GMDS: variants seen among roughly 807,000 people sequenced by gnomAD.
GMDS encodes the protein GDP-mannose 4,6 dehydratase.
A neutral mutation model predicts 49.9 loss-of-function variants in GMDS; 20 were observed. That is an observed-to-expected ratio of 0.40 (90% CI 0.28 to 0.58). The LOEUF (loss-of-function observed/expected upper bound fraction) is 0.58. Among genes scored for constraint, GMDS ranks in the 20% least tolerant of loss-of-function variants. GMDS has a pLI of 0.42. For synonymous variants in GMDS, 177 were observed against 178.6 expected (o/e 0.99, Z 0.07); for missense variants, 362 against 481.4 (o/e 0.75, Z 2.32).
rs545593703 is a variant in GMDS at position 1,711,316 on chromosome 6, T to C, written c.987+15100A>G. On this transcript the variant is annotated intron_variant, in intron 9 of 10. Coordinates refer to ENST00000380815, the MANE Select transcript of GMDS (RefSeq NM_001500.4). The stretch of plus-strand genomic sequence containing the variant: ...TTCCAGGGTCCACCGCTCAAGTGGT[T>C]TGAGGATGAATCCTGGAAGACTGTA... Among the ~76,000 whole-genome samples the C allele has an allele frequency of 8.5e-5, 13 of 152,334 alleles. 1 individual carries two copies. Among genetic ancestry groups the C allele is most frequent in the African/African-American group, 3.1e-4 (13 of 41,576 alleles).
intron 1 of GMDS, among the ~76,000 whole-genome samples, chr6:2,129,269 A>C (rs1165474470): frequency 2.0e-5 from 3 of 152,182 alleles, no homozygotes; most frequent in East Asian, 1.9e-4. Flanking sequence ...CACATCCCCC[A>C]CACACACCCC....
rs531569992 is a variant in GMDS at position 1,833,892 on chromosome 6, T to C, written c.772-91306A>G. ...CTAGTCAATATCTAAATGAGAAACA[T>C]GCTCTCCTTAAAATCACAATGCATA... is the stretch of plus-strand genomic sequence containing the variant. On this transcript the variant is annotated intron_variant, in intron 7 of 10. Coordinates refer to ENST00000380815, the MANE Select transcript of GMDS (RefSeq NM_001500.4). This position sits in a 1 kb window ranked among gnomAD's most constrained non-coding sequence, Gnocchi z 4.4. Among the ~76,000 whole-genome samples, 5 of 152,358 alleles carry C rather than the reference T, an allele frequency of 3.3e-5. No homozygotes were observed. The South Asian group carries it at 1.0e-3, about 32-fold the overall frequency.
At chr6:2,102,442 C>A (rs1773978599) in intron 4 of GMDS, among the ~76,000 whole-genome samples, 1 of 152,150 alleles carries the variant, frequency 6.6e-6, no homozygotes, top group Non-Finnish European at 1.5e-5. Context: ...GTAAGCAACA[C>A]AAATCACTTA....
intron 8 of GMDS, among the ~76,000 whole-genome samples, chr6:1,735,726 A>C (rs538757290): frequency 6.6e-6 from 1 of 152,350 alleles, no homozygotes; most frequent in East Asian, 1.9e-4. Context: ...GACAAGGTCC[A>C]GCTTACATCT....
At chr6:1,941,760 T>C (rs138812667) in intron 6 of GMDS, among the ~76,000 whole-genome samples, 3 of 152,248 alleles carry the variant, frequency 2.0e-5, no homozygotes, top group African/African-American at 4.8e-5. Flanking sequence ...GAATTGCTGA[T>C]GCCAAGTCTT....
intron 1 of GMDS, among the ~76,000 whole-genome samples, chr6:2,202,545 T>G (rs1037711437): frequency 1.3e-5 from 2 of 152,032 alleles, no homozygotes; most frequent in African/African-American, 4.8e-5. Context: ...CGTGCCTCAG[T>G]TGCAGAGGAG....
At chr6:1,789,069 T>A (rs77753298) in intron 7 of GMDS, among the ~76,000 whole-genome samples, 1 of 152,090 alleles carries the variant, frequency 6.6e-6, no homozygotes, top group Non-Finnish European at 1.5e-5. Flanking sequence ...CAGGACACAA[T>A]AGTCATGTAA....
At chr6:1,738,172 T>C (rs79396218) in intron 8 of GMDS, among the ~76,000 whole-genome samples, 69 of 135,738 alleles carry the variant, frequency 5.1e-4, no homozygotes, top group African/African-American at 2.0e-3. Flanking sequence ...CACAGACACA[T>C]ACACACACAC....
At chr6:2,174,140 A>G (rs567503644) in intron 1 of GMDS, among the ~76,000 whole-genome samples, 1 of 152,346 alleles carries the variant, frequency 6.6e-6, no homozygotes, top group East Asian at 1.9e-4. Context: ...TGTATTAAGC[A>G]TCTTCTGTGT....
intron 4 of GMDS, among the ~76,000 whole-genome samples, chr6:2,088,110 A>G (rs1773115930): frequency 6.6e-6 from 1 of 151,968 alleles, no homozygotes; most frequent in Admixed American, 6.6e-5. Context: ...TAGAAAGTAA[A>G]AAAAAAAAAT....
intron 9 of GMDS, among the ~76,000 whole-genome samples, chr6:1,668,705 T>TAAAC (rs927818017): frequency 2.0e-4 from 29 of 148,332 alleles, no homozygotes; most frequent in Middle Eastern, 3.5e-3. Flanking sequence ...AGACTCTGTC[T>TAAAC]AAACAAACAA....
At chr6:2,197,672 A>G (rs999772535) in intron 1 of GMDS, among the ~76,000 whole-genome samples, 3 of 152,212 alleles carry the variant, frequency 2.0e-5, no homozygotes, top group Admixed American at 2.0e-4. Context: ...AAATCAAAGT[A>G]TCCCATTTCC....
intron 7 of GMDS, among the ~76,000 whole-genome samples, chr6:1,850,750 C>T (rs999382600): frequency 6.6e-6 from 1 of 152,188 alleles, no homozygotes; most frequent in African/African-American, 2.4e-5. Context: ...CAGACGCAGT[C>T]AATGATACGT....
chr6:2,012,326 T>C (rs1269910842), intron 4 of GMDS, among the ~76,000 whole-genome samples: 1 of 152,168 alleles, frequency 6.6e-6, no homozygotes, highest in African/African-American at 2.4e-5. Flanking sequence ...AGTGAAATGG[T>C]CTGAATATTC....
At chr6:2,240,992 G>A (rs957554969) in intron 1 of GMDS, among the ~76,000 whole-genome samples, 2 of 152,212 alleles carry the variant, frequency 1.3e-5, no homozygotes, top group African/African-American at 2.4e-5. Flanking sequence ...CTGCTAAAGA[G>A]GTTGGCATGG....
At chr6:1,940,634 C>T (rs745928561) in intron 6 of GMDS, among the ~76,000 whole-genome samples, 1 of 152,184 alleles carries the variant, frequency 6.6e-6, no homozygotes, top group African/African-American at 2.4e-5. Context: ...CCAATAGGCA[C>T]GTTTAAAGGA....
At chr6:2,170,562 G>A (rs1777946021) in intron 1 of GMDS, among the ~76,000 whole-genome samples, 1 of 151,900 alleles carries the variant, frequency 6.6e-6, no homozygotes, top group Non-Finnish European at 1.5e-5. Flanking sequence ...AGGAGTTCAA[G>A]GTTGCAGTGG....
intron 7 of GMDS, among the ~76,000 whole-genome samples, chr6:1,838,076 T>C (rs905873677): frequency 6.6e-6 from 1 of 152,226 alleles, no homozygotes; most frequent in Non-Finnish European, 1.5e-5. Context: ...CGAGTTGAAC[T>C]TAAAGGAATG....
At chr6:2,171,192 C>A (rs1445707504) in intron 1 of GMDS, among the ~76,000 whole-genome samples, 1 of 152,148 alleles carries the variant, frequency 6.6e-6, no homozygotes, top group Non-Finnish European at 1.5e-5. Context: ...CATTGTCACA[C>A]AACTTTCAGT....
Sources: gnomAD v4.1 joint callset for allele counts (sites outside exome capture counted in the v4.1 genomes callset) on GRCh38, gnomAD v4.1.1 for gene constraint, Gnocchi (gnomAD v3.1) non-coding constraint, MANE v1.5 for transcripts, NCBI Gene and HGNC (gene_info 2026-07-23, HGNC 2026-07-21) for gene names.